GJA1: variants seen among roughly 807,000 people sequenced by gnomAD.
The protein encoded by GJA1 is gap junction alpha-1 protein.
In GJA1, 9 loss-of-function variants were observed where a neutral mutation model predicts 31.0. The observed-to-expected ratio is 0.29, with a 90% CI of 0.17 to 0.51. The LOEUF (loss-of-function observed/expected upper bound fraction) is 0.51. GJA1 is among the 20% of genes least tolerant of loss of function. The pLI is 0.98. For missense variants in GJA1, 278 were observed against 468.8 expected (o/e 0.59, Z 3.76); for synonymous variants, 186 against 180.1 (o/e 1.03, Z -0.26).
intron 1 of GJA1, among the ~76,000 whole-genome samples, chr6:121,440,899 G>A (rs920626626): frequency 1.3e-5 from 2 of 150,330 alleles, no homozygotes; most frequent in African/African-American, 5.0e-5. Flanking sequence ...CCGCCACCAC[G>A]CCTGGCTACT....
At position 121,448,163 on chromosome 6, in the gene GJA1, G is replaced by T; in HGVS notation, c.*167G>T. On this transcript the variant is annotated 3_prime_UTR_variant, in exon 2 of 2. Transcript: ENST00000282561. ...ATTAGAATACCTAGGTTCACTGGGG[G>T]TGTATGGGGTAGATGGGTGGAGAGG... 1 of 698,128 alleles carries T rather than the reference G, an allele frequency of 1.4e-6. No homozygotes were observed. Among genetic ancestry groups the T allele is most frequent in the Non-Finnish European group, 2.6e-6 (1 of 380,438 alleles). The allele number at this position is 698,128 out of a possible 1,614,324, so 43.2% of individuals were successfully genotyped here.
intron 1 of GJA1, among the ~76,000 whole-genome samples, chr6:121,440,518 C>T (rs1773753470): frequency 6.6e-6 from 1 of 151,920 alleles, no homozygotes; most frequent in Non-Finnish European, 1.5e-5. Context: ...GAAAATTTAA[C>T]AGTATGAGAA....
chr6:121,448,085 G>C lies in GJA1; in HGVS notation c.*89G>C, dbSNP rs67721882. On this transcript the variant is annotated 3_prime_UTR_variant, in exon 2 of 2. Transcript: ENST00000282561. The stretch of plus-strand genomic sequence containing the variant: ...GTGCACCAGGTGTTAATTTTGATCC[G>C]GTGGAGGTGGTACTCAACAGCCTTA... The C allele has an allele frequency of 8.7e-7, 1 of 1,150,922 alleles. No homozygotes were observed. Among genetic ancestry groups the C allele is most frequent in the Admixed American group, 1.8e-5 (1 of 57,052 alleles). The allele number at this position is 1,150,922 out of a possible 1,614,324, so 71.3% of individuals were successfully genotyped here.
intron 1 of GJA1, among the ~76,000 whole-genome samples, chr6:121,445,912 A>G (rs1341886425): frequency 6.6e-6 from 1 of 151,926 alleles, no homozygotes; most frequent in Non-Finnish European, 1.5e-5. Flanking sequence ...TGGGCAACAT[A>G]GTGAAATCCT....
chr6:121,438,729 T>A (rs1333811159), intron 1 of GJA1, among the ~76,000 whole-genome samples: 1 of 152,208 alleles, frequency 6.6e-6, no homozygotes, highest in Admixed American at 6.5e-5. Context: ...TGTTTATTAT[T>A]AATGTAATAT....
At position 121,448,395 on chromosome 6, in the gene GJA1, C is replaced by G. The variant is rs916959201; in HGVS notation, c.*399C>G. On this transcript the variant is annotated 3_prime_UTR_variant, in exon 2 of 2. Transcript: ENST00000282561. ...ACCAAGAAACTGAAATAATTCTGGC[C>G]AGGAATAAATACTTCCTGAACATCT... 3.8e-6 allele frequency: 1 copy of G among 264,020 alleles called. No individual in the cohort carries two copies. Among genetic ancestry groups the G allele is most frequent in the Non-Finnish European group, 7.9e-6 (1 of 126,616 alleles). The allele number at this position is 264,020 out of a possible 1,614,324, so 16.4% of individuals were successfully genotyped here.
intron 1 of GJA1, among the ~76,000 whole-genome samples, chr6:121,439,983 A>T (rs73767020): frequency 0.031 from 4,694 of 152,254 alleles, 235 homozygotes; most frequent in African/African-American, 0.11. Flanking sequence ...GCCTGCATAG[A>T]CTCAGACTGT....
intron 1 of GJA1, among the ~76,000 whole-genome samples, chr6:121,436,189 G>C (rs1333853405): frequency 8.1e-6 from 1 of 122,830 alleles, no homozygotes; most frequent in Non-Finnish European, 1.7e-5. Flanking sequence ...TTGGGTGGGG[G>C]GGGGGCGGTT....
At chr6:121,437,354 CTTT>C (rs113246353) in intron 1 of GJA1, among the ~76,000 whole-genome samples, 4 of 133,998 alleles carry the variant, frequency 3.0e-5, no homozygotes, top group Non-Finnish European at 4.9e-5. Context: ...CACACCAGCC[CTTT>C]TTTTTTTTCT....
intron 1 of GJA1, among the ~76,000 whole-genome samples, chr6:121,437,807 C>G (rs1773695117): frequency 6.6e-6 from 1 of 152,166 alleles, no homozygotes; most frequent in South Asian, 2.1e-4. Context: ...GGTTGAATTT[C>G]TTTTGCTTCC....
chr6:121,447,507 C>T lies in GJA1; in HGVS notation c.660C>T (p.Ser220=), dbSNP rs746366899. Reference sequence around the variant, plus strand: ...TCATGCTGGTGGTGTCCTTGGTGTCCCTGGCCTTGAATATCATTGAACTCT... The same window carrying T: ...TCATGCTGGTGGTGTCCTTGGTGTCTCTGGCCTTGAATATCATTGAACTCT... ...IIFMLVVSLV[S]LALNIIELFY... is the part of the protein sequence containing the mutation. The change falls in exon 2 of 2, where the codon TCC becomes TCT. Residue 220 remains serine (S), a synonymous_variant. Transcript: ENST00000282561. 5.6e-6 allele frequency: 9 copies of T among 1,613,858 alleles called. No homozygotes were observed. The highest frequency in any genetic ancestry group is 7.6e-6 in the Non-Finnish European group (9 of 1,179,910).
chr6:121,447,867 T>A lies in GJA1; in HGVS notation c.1020T>A (p.Asp340Glu). Residue 340 changes from aspartate to glutamate, a missense_variant, in exon 2 of 2, where the codon GAT (aspartate) becomes GAA (glutamate). Asp to Glu is a conservative substitution (Grantham distance 45). Transcript: ENST00000282561. Reference protein sequence around the residue: ...SHAQPFDFPDDNQNSKKLAAG... With the variant: ...SHAQPFDFPDENQNSKKLAAG... ...CACAGCCTTTTGATTTCCCCGATGATAACCAGAATTCTAAAAAACTAGCTG... is the reference window on the plus strand; with the variant it reads ...CACAGCCTTTTGATTTCCCCGATGAAAACCAGAATTCTAAAAAACTAGCTG... 6.2e-7 allele frequency: 1 copy of A among 1,613,836 alleles called. No homozygotes were observed.
chr6:121,436,123 A>G (rs1302125684), intron 1 of GJA1, among the ~76,000 whole-genome samples: 1 of 115,306 alleles, frequency 8.7e-6, no homozygotes, highest in Non-Finnish European at 1.7e-5. Context: ...ATTTTAGAGT[A>G]TCATTTTATT....
intron 1 of GJA1, among the ~76,000 whole-genome samples, chr6:121,440,637 AAAAC>A (rs1284266304): frequency 3.4e-5 from 5 of 148,802 alleles, no homozygotes; most frequent in Non-Finnish European, 7.4e-5. Flanking sequence ...GAGACAGAAA[AAAAC>A]AAACTTTTTT....
chr6:121,441,760 G>A (rs1773796034), intron 1 of GJA1, among the ~76,000 whole-genome samples: 1 of 152,076 alleles, frequency 6.6e-6, no homozygotes, highest in African/African-American at 2.4e-5. Flanking sequence ...TCGGAGTATA[G>A]GTTGGCAAGT....
intron 1 of GJA1, among the ~76,000 whole-genome samples, chr6:121,442,855 T>G (rs1318094180): frequency 6.6e-6 from 1 of 152,158 alleles, no homozygotes; most frequent in East Asian, 1.9e-4. Flanking sequence ...ACATGGTGCA[T>G]AGACGGCAAA....
At chr6:121,441,574 G>A (rs1773792061) in intron 1 of GJA1, among the ~76,000 whole-genome samples, 1 of 152,160 alleles carries the variant, frequency 6.6e-6, no homozygotes, top group Admixed American at 6.5e-5. Flanking sequence ...CCAGGGCAAA[G>A]GGAATAGGAA....
rs764242781 is a variant in GJA1 at position 121,446,837 on chromosome 6, G to A, written c.-11G>A. 2 of 1,596,628 alleles carry A rather than the reference G, an allele frequency of 1.3e-6. No homozygotes were observed. The highest frequency in any genetic ancestry group is 1.7e-6 in the Non-Finnish European group (2 of 1,163,888). On this transcript the variant is annotated 5_prime_UTR_variant, in exon 2 of 2. Transcript: ENST00000282561. ...TGTCTCTTTGTTTCTTTCAGGTGGT[G>A]CCCAGGCAACATGGGTGACTGGAGC...
chr6:121,447,625 T>C lies in GJA1; in HGVS notation c.778T>C (p.Cys260Arg), dbSNP rs1773911538. ...TGGTGCGCTGAGCCCTGCCAAAGAC[T>C]GTGGGTCTCAAAAATATGCTTATTT... ...TSGALSPAKD[C>R]GSQKYAYFNG... Residue 260 changes from cysteine (C) to arginine (R), a missense_variant, in exon 2 of 2, where the codon TGT becomes CGT. Transcript: ENST00000282561. 1 of 1,614,020 alleles carries C rather than the reference T, an allele frequency of 6.2e-7. No individual in the cohort carries two copies. The highest frequency in any genetic ancestry group is 1.1e-5 in the South Asian group (1 of 91,072).
Sources: allele counts gnomAD v4.1 joint callset (sites outside exome capture counted in the v4.1 genomes callset), GRCh38; gene constraint gnomAD v4.1.1; transcripts MANE v1.5; gene names NCBI Gene and HGNC (gene_info 2026-07-23, HGNC 2026-07-21).